The following PIK3R5 variants were observed in gnomAD, a reference collection of about 807,000 sequenced individuals.
The protein encoded by PIK3R5 is phosphoinositide-3-kinase regulatory subunit 5, also known as phosphoinositide 3-kinase regulatory subunit 5.
A neutral mutation model predicts 94.9 loss-of-function variants in PIK3R5; 32 were observed. The observed-to-expected ratio is 0.34, with a 90% CI of 0.25 to 0.45. The LOEUF is 0.45. PIK3R5 is among the 20% of genes least tolerant of loss of function. The pLI, the probability that PIK3R5 is intolerant of heterozygous loss-of-function variation, is 1.00. For synonymous variants in PIK3R5, 443 were observed against 479.4 expected (o/e 0.92, Z 0.99); for missense variants, 853 against 1,144.6 (o/e 0.75, Z 3.68).
rs894414085 is a variant in PIK3R5 at position 8,925,295 on chromosome 17, A to C, written c.-13-13788T>G. On this transcript the variant is annotated intron_variant, in intron 1 of 18. Coordinates refer to ENST00000447110, the MANE Select transcript of PIK3R5 (RefSeq NM_001142633.3). This position sits in a 1 kb window ranked among gnomAD's most constrained non-coding sequence, Gnocchi z 5.1. ...TAGATGATAGATAGTAGATGGATAGATAGATAGATAGTAGATGGATAGATA... is the reference window on the plus strand; with the variant it reads ...TAGATGATAGATAGTAGATGGATAGCTAGATAGATAGTAGATGGATAGATA... 2.0e-5 allele frequency among the ~76,000 whole-genome samples: 3 copies of C among 151,956 alleles called. No individual in the cohort carries two copies. The highest frequency in any genetic ancestry group is 7.3e-5 in the African/African-American group (3 of 41,258).
intron 5 of PIK3R5, among the ~76,000 whole-genome samples, chr17:8,899,325 C>T (rs2151388845): frequency 6.6e-6 from 1 of 152,300 alleles, no homozygotes; most frequent in South Asian, 2.1e-4. Context: ...CAACTGGGTC[C>T]CTAAGACTTC....
At position 8,945,883 on chromosome 17, in the gene PIK3R5, A is replaced by C. The variant is rs1485636386; in HGVS notation, c.-14+19713T>G. Among the ~76,000 whole-genome samples the C allele has an allele frequency of 1.3e-5, 2 of 152,158 alleles. No individual in the cohort carries two copies. Among genetic ancestry groups the C allele is most frequent in the African/African-American group, 4.8e-5 (2 of 41,430 alleles). ...ACTGTCTTGTTTGCCAGAAGGTTTG[A>C]ACTTGGAGCTCTGAGCCATCAAGTG... On this transcript the variant is annotated intron_variant, in intron 1 of 18. Coordinates refer to ENST00000447110, the MANE Select transcript of PIK3R5 (RefSeq NM_001142633.3). This position sits in a 1 kb window ranked among gnomAD's most constrained non-coding sequence, Gnocchi z 4.0.
rs2151410382 is a variant in PIK3R5, at chr17:8,909,221, T to C, written c.104-47A>G. 1 of 1,192,196 alleles carries C rather than the reference T, an allele frequency of 8.4e-7. No homozygotes were observed. Among genetic ancestry groups the C allele is most frequent in the South Asian group, 1.3e-5 (1 of 77,678 alleles). 73.9% of individuals were successfully genotyped at this position (1,192,196 alleles called of 1,614,324 possible). On this transcript the variant is annotated intron_variant, in intron 2 of 18. Coordinates refer to ENST00000447110, the MANE Select transcript of PIK3R5 (RefSeq NM_001142633.3). This position sits in a 1 kb window ranked among gnomAD's most constrained non-coding sequence, Gnocchi z 4.3. The stretch of plus-strand genomic sequence containing the variant: ...AGGGGTCAGTTCTGGTGTCTTCCAG[T>C]CACACTCAGGCAGGGGCTGTAAAGA...
chr17:8,947,047 A>G (rs1396814187), intron 1 of PIK3R5, among the ~76,000 whole-genome samples: 3 of 151,888 alleles, frequency 2.0e-5, no homozygotes, highest in Non-Finnish European at 4.4e-5. Context: ...GAATGAATGA[A>G]TTGAAAGATG....
chr17:8,931,867 T>A (rs1567661813), intron 1 of PIK3R5, among the ~76,000 whole-genome samples: 2 of 152,218 alleles, frequency 1.3e-5, no homozygotes, highest in Admixed American at 6.5e-5. Context: ...AGGAAGGTAA[T>A]TCTTGACATC....
chr17:8,960,186 T>TTTCAA (rs2091536948), intron 1 of PIK3R5, among the ~76,000 whole-genome samples: 1 of 152,160 alleles, frequency 6.6e-6, no homozygotes, highest in Non-Finnish European at 1.5e-5. Context: ...CATGAGATGT[T>TTTCAA]GAAAAGAATG....
chr17:8,957,261 T>TA (rs1193535698), intron 1 of PIK3R5, among the ~76,000 whole-genome samples: 4 of 152,192 alleles, frequency 2.6e-5, no homozygotes, highest in Non-Finnish European at 5.9e-5. Context: ...AACGGGAAAC[T>TA]AGCCACCACG....
intron 13 of PIK3R5, 41 bp from the exon 14 acceptor site, chr17:8,886,363 G>T: frequency 6.2e-7 from 1 of 1,600,960 alleles, no homozygotes; most frequent in Non-Finnish European, 8.6e-7. Flanking sequence ...TGAACCTCCT[G>T]GAGGGGCCCA....
chr17:8,918,358 G>A (rs993631605), intron 1 of PIK3R5, among the ~76,000 whole-genome samples: 1 of 152,194 alleles, frequency 6.6e-6, no homozygotes, highest in Non-Finnish European at 1.5e-5. Flanking sequence ...CATGGGGAGT[G>A]TCAAAAGGAC....
chr17:8,941,429 T>C (rs2091177766), intron 1 of PIK3R5, among the ~76,000 whole-genome samples: 1 of 66,874 alleles, frequency 1.5e-5, no homozygotes, highest in Admixed American at 1.5e-4. Context: ...CTTGAAGGAC[T>C]AAGTTGAACA....
Position 8,893,595 on chromosome 17 carries a change from C to T in PIK3R5, c.473G>A (p.Ser158Asn). The change falls in exon 6 of 19, where the codon AGC becomes AAC. Residue 158 changes from serine to asparagine, a missense_variant. Around this residue, in one of 6 missense-constraint regions of PIK3R5, gnomAD observed 161 missense variants for 249.5 expected, o/e 0.65. Transcript: ENST00000447110. This position sits in a 1 kb window ranked among gnomAD's most constrained non-coding sequence, Gnocchi z 5.1. ...EQGLPIRSHR[S>N]STVTVLLLNP... is the part of the protein sequence containing the mutation. The stretch of plus-strand genomic sequence containing the variant: ...CCCCAAGAGCACTCACACGGTGGAG[C>T]TGCGGTGACTCCTGATGGGCAGGCC... The T allele has an allele frequency of 6.2e-7, 1 of 1,613,648 alleles. No homozygotes were observed. Among genetic ancestry groups the T allele is most frequent in the Non-Finnish European group, 8.5e-7 (1 of 1,179,616 alleles).
chr17:8,886,401 G>A lies in PIK3R5; in HGVS notation c.2034+76C>T, dbSNP rs112743807. Reference sequence around the variant, plus strand: ...TGGCTCCTCCAGCATAGACCTGCTGGCTCTCCCGGGGCAGGGGTGGGGCCT... The same window carrying A: ...TGGCTCCTCCAGCATAGACCTGCTGACTCTCCCGGGGCAGGGGTGGGGCCT... On this transcript the variant is annotated intron_variant, in intron 13 of 18. Coordinates refer to ENST00000447110, the MANE Select transcript of PIK3R5 (RefSeq NM_001142633.3). 673 of 1,600,420 alleles carry A rather than the reference G, an allele frequency of 4.2e-4. 2 individuals carry two copies. The African/African-American group carries it at 8.1e-3, about 19-fold the overall frequency.
rs571671799 is a variant in PIK3R5, at chr17:8,889,951, C to T, written c.811+22G>A. ...TAGGCCATGGGGAATGTGGGAGAAC[C>T]CCATTCTCCCAAGAGCCTCACCTAA... is the stretch of plus-strand genomic sequence containing the variant. On this transcript the variant is annotated intron_variant, in intron 8 of 18. Transcript: ENST00000447110. This position sits in a 1 kb window ranked among gnomAD's most constrained non-coding sequence, Gnocchi z 4.1. The T allele has an allele frequency of 6.2e-7, 1 of 1,612,166 alleles. No homozygotes were observed. The highest frequency in any genetic ancestry group is 2.2e-5 in the East Asian group (1 of 44,860).
At chr17:8,922,794 G>A (rs936535297) in intron 1 of PIK3R5, among the ~76,000 whole-genome samples, 3 of 152,072 alleles carry the variant, frequency 2.0e-5, no homozygotes, top group African/African-American at 7.2e-5. Context: ...TAGCTAGTGG[G>A]CAGGAGAAGG....
intron 1 of PIK3R5, among the ~76,000 whole-genome samples, chr17:8,951,753 T>A (rs1384242789): frequency 6.6e-6 from 1 of 152,336 alleles, no homozygotes; most frequent in South Asian, 2.1e-4. Flanking sequence ...ACAGAAGGGA[T>A]AAAGAACATC....
At chr17:8,956,530 G>A (rs971571310) in intron 1 of PIK3R5, among the ~76,000 whole-genome samples, 5 of 152,334 alleles carry the variant, frequency 3.3e-5, no homozygotes, top group African/African-American at 4.8e-5. Context: ...GACTCAGCAA[G>A]ATGAGGAAGT....
rs945526504 is a variant in PIK3R5 at position 8,893,532 on chromosome 17, G to A, written c.482+54C>T. ...GGGAGGAGGGTGAAGGTGGAACAGTGCAGGGGTCCCAAACTCCCTCCCCAC... is the reference window on the plus strand; with the variant it reads ...GGGAGGAGGGTGAAGGTGGAACAGTACAGGGGTCCCAAACTCCCTCCCCAC... On this transcript the variant is annotated intron_variant, in intron 6 of 18. Coordinates refer to ENST00000447110, the MANE Select transcript of PIK3R5 (RefSeq NM_001142633.3). The surrounding 1 kb of genome is among the most constrained non-coding windows in gnomAD (Gnocchi z 5.1). The A allele has an allele frequency of 1.1e-5, 16 of 1,396,438 alleles. No homozygotes were observed. The East Asian group carries it at 2.3e-4, about 20-fold the overall frequency. The allele number at this position is 1,396,438 out of a possible 1,614,324, so 86.5% of individuals were successfully genotyped here.
chr17:8,881,967 G>A lies in PIK3R5; in HGVS notation c.2206-86C>T, dbSNP rs761873127. The A allele has an allele frequency of 3.9e-6, 4 of 1,036,676 alleles. No homozygotes were observed. The East Asian group carries it at 1.0e-4, about 27-fold the overall frequency. The allele number at this position is 1,036,676 out of a possible 1,614,324, so 64.2% of individuals were successfully genotyped here. A position where few individuals can be genotyped will look rare whatever the true frequency, so the allele number is the denominator to read the frequency against. ...CTTTGAAGGCCCATCAGTGACAGGG[G>A]GTTGCCTCTAGTTAGCATATCCCCA... On this transcript the variant is annotated intron_variant, in intron 15 of 18. Coordinates refer to ENST00000447110, the MANE Select transcript of PIK3R5 (RefSeq NM_001142633.3). This position sits in a 1 kb window ranked among gnomAD's most constrained non-coding sequence, Gnocchi z 4.8.
At position 8,888,854 on chromosome 17, in the gene PIK3R5, T is replaced by C. The variant is rs11650737; in HGVS notation, c.933A>G (p.Leu311=). 0.28 allele frequency: 456,971 copies of C among 1,604,864 alleles called. 68,575 individuals are homozygous for C. The highest frequency in any genetic ancestry group is 0.31 in the Non-Finnish European group (364,161 of 1,179,330). ...LQEILLKEQE[L]LQPGILGDDE... ...CATCTCCCAGGATCCCTGGCTGGAG[T>C]AGCTCCTGTTCCTTGAGCAGGATTT... Residue 311 remains leucine, a synonymous_variant, in exon 10 of 19, where the codon CTA becomes CTG. Transcript: ENST00000447110. The surrounding 1 kb of genome is among the most constrained non-coding windows in gnomAD (Gnocchi z 7.8).
Sources: gnomAD v4.1 joint callset for allele counts (sites outside exome capture counted in the v4.1 genomes callset) on GRCh38, gnomAD v4.1.1 for gene constraint, gnomAD v4.1.1 regional missense constraint, Gnocchi (gnomAD v3.1) non-coding constraint, MANE v1.5 for transcripts, NCBI Gene and HGNC (gene_info 2026-07-23, HGNC 2026-07-21) for gene names.